The following NEBL variants were observed in gnomAD, a reference collection of about 807,000 sequenced individuals.
NEBL encodes the protein LIM and SH3 protein 2.
In NEBL, 122 loss-of-function variants were observed where a neutral mutation model predicts 140.2. That is an observed-to-expected ratio of 0.87 (90% CI 0.75 to 1.01). The LOEUF (loss-of-function observed/expected upper bound fraction) is 1.01, where lower values mean the gene tolerates loss of function less well. NEBL is among the 50% of genes least tolerant of loss of function. The pLI is 0.00. For missense variants in NEBL, 1,365 were observed against 1,231.3 expected (o/e 1.11, Z -1.62); for synonymous variants, 436 against 398.9 (o/e 1.09, Z -1.11).
chr10:20,993,756 G>A (rs969997860), intron 3 of NEBL, among the ~76,000 whole-genome samples: 2 of 152,150 alleles, frequency 1.3e-5, no homozygotes, highest in Admixed American at 6.5e-5. Context: ...GAGTCACATG[G>A]CAAAGATGTG....
intron 26 of NEBL, among the ~76,000 whole-genome samples, chr10:20,794,966 T>C (rs1836367398): frequency 6.6e-6 from 1 of 152,166 alleles, no homozygotes; most frequent in Non-Finnish European, 1.5e-5. Flanking sequence ...ATTAAGTAAT[T>C]TGGTCAAATA....
chr10:21,273,110 T>C (rs1842878265), intron 1 of NEBL, among the ~76,000 whole-genome samples: 1 of 152,130 alleles, frequency 6.6e-6, no homozygotes, highest in Non-Finnish European at 1.5e-5. Context: ...ATGATGAAAT[T>C]GGACAGCCAC....
chr10:20,798,121 A>AAG (rs1358584441), intron 26 of NEBL, among the ~76,000 whole-genome samples: 2 of 151,998 alleles, frequency 1.3e-5, no homozygotes, highest in Non-Finnish European at 1.5e-5. Flanking sequence ...AAAAAAAAAA[A>AAG]AAAAATGTAG....
intron 3 of NEBL, among the ~76,000 whole-genome samples, chr10:21,222,042 G>T (rs1210234106): frequency 1.3e-5 from 2 of 151,758 alleles, no homozygotes; most frequent in Non-Finnish European, 2.9e-5. Context: ...TCATTGGGCT[G>T]CAGTGAACTC....
chr10:21,149,838 G>A (rs1022256585), intron 2 of NEBL, among the ~76,000 whole-genome samples: 4 of 152,172 alleles, frequency 2.6e-5, no homozygotes, highest in Admixed American at 6.5e-5. Flanking sequence ...AGATAGGGTT[G>A]GAATTGAATT....
At position 21,061,447 on chromosome 10, in the gene NEBL, G is replaced by GTATATTACATGATATATGATATATCA. The variant is rs1461936390; in HGVS notation, c.165-41272_165-41247dup. On this transcript the variant is annotated intron_variant, in intron 2 of 6. Coordinates refer to the NEBL transcript ENST00000417816. ...TATTGCATGGTGTATGATATATATC[G>GTATATTACATGATATATGATATATCA]TATATTACATGATATATGATATATC... Among the ~76,000 whole-genome samples the GTATATTACATGATATATGATATATCA allele has an allele frequency of 6.9e-5, 10 of 145,924 alleles. No individual in the cohort carries two copies. In the East Asian group the frequency reaches 1.6e-3, roughly 23 times the overall value.
chr10:21,135,334 T>C (rs146230816), intron 2 of NEBL, among the ~76,000 whole-genome samples: 226 of 152,310 alleles, frequency 1.5e-3, no homozygotes, highest in African/African-American at 5.1e-3. Context: ...TTAACTCCTT[T>C]GTGTGGTACT....
intron 3 of NEBL, among the ~76,000 whole-genome samples, chr10:20,989,103 A>G (rs1413826843): frequency 1.3e-5 from 2 of 152,220 alleles, no homozygotes; most frequent in Admixed American, 1.3e-4. Flanking sequence ...CTGATTTGTC[A>G]CTTATTTAAA....
intron 4 of NEBL, among the ~76,000 whole-genome samples, chr10:20,947,955 C>T (rs746351210): frequency 6.6e-6 from 1 of 152,014 alleles, no homozygotes; most frequent in Non-Finnish European, 1.5e-5. Flanking sequence ...TTCCCTGGGC[C>T]ACACAAAAAA....
chr10:21,139,929 T>C (rs1310063761), intron 2 of NEBL, among the ~76,000 whole-genome samples: 1 of 146,580 alleles, frequency 6.8e-6, no homozygotes, highest in African/African-American at 2.6e-5. Context: ...GGCAGGCAGA[T>C]CACTTGAGGC....
At chr10:20,820,950 G>C (rs1839247383) in intron 19 of NEBL, among the ~76,000 whole-genome samples, 1 of 152,128 alleles carries the variant, frequency 6.6e-6, no homozygotes, top group Non-Finnish European at 1.5e-5. Flanking sequence ...AAATGAAAAG[G>C]GGTAAGGTTC....
chr10:20,960,848 T>G (rs1015314360), intron 4 of NEBL, among the ~76,000 whole-genome samples: 7 of 152,122 alleles, frequency 4.6e-5, no homozygotes, highest in Admixed American at 2.0e-4. Flanking sequence ...TATACAAATT[T>G]TAGTGACTTT....
chr10:21,001,272 A>C (rs558114106), intron 3 of NEBL, among the ~76,000 whole-genome samples: 9 of 152,250 alleles, frequency 5.9e-5, no homozygotes, highest in South Asian at 2.1e-4. Flanking sequence ...GTGCTAGAGG[A>C]AAATCGGCAA....
intron 7 of NEBL, among the ~76,000 whole-genome samples, chr10:20,863,581 T>G (rs1338218382): frequency 2.6e-5 from 4 of 152,122 alleles, no homozygotes; most frequent in Non-Finnish European, 5.9e-5. Flanking sequence ...ACACAATATC[T>G]CTGCTCTTAT....
intron 2 of NEBL, among the ~76,000 whole-genome samples, chr10:21,154,787 A>G (rs1840275173): frequency 6.6e-6 from 1 of 152,338 alleles, no homozygotes; most frequent in South Asian, 2.1e-4. Flanking sequence ...ATGCATTCCA[A>G]TTTGAAATAT....
At chr10:21,018,038 T>A (rs1838629617) in intron 3 of NEBL, among the ~76,000 whole-genome samples, 1 of 152,098 alleles carries the variant, frequency 6.6e-6, no homozygotes, top group African/African-American at 2.4e-5. Flanking sequence ...GCCAGGCTGG[T>A]CTCGAACTCC....
intron 2 of NEBL, among the ~76,000 whole-genome samples, chr10:21,050,386 T>C (rs1246111664): frequency 6.6e-6 from 1 of 152,304 alleles, no homozygotes; most frequent in East Asian, 1.9e-4. Flanking sequence ...GTAAAATCCC[T>C]ATATTATTTC....
At chr10:20,989,702 T>C (rs1837386452) in intron 3 of NEBL, among the ~76,000 whole-genome samples, 1 of 152,210 alleles carries the variant, frequency 6.6e-6, no homozygotes, top group African/African-American at 2.4e-5. Flanking sequence ...ACCCCACTTA[T>C]ATTGACATTT....
chr10:20,839,616 A>C (rs1263010025), intron 13 of NEBL, among the ~76,000 whole-genome samples: 3 of 152,206 alleles, frequency 2.0e-5, no homozygotes, highest in Non-Finnish European at 1.5e-5. Flanking sequence ...AGCTGAGATT[A>C]AGGTCATGTT....
Sources: allele counts gnomAD v4.1 joint callset (sites outside exome capture counted in the v4.1 genomes callset), GRCh38; gene constraint gnomAD v4.1.1; transcripts MANE v1.5; gene names NCBI Gene and HGNC (gene_info 2026-07-23, HGNC 2026-07-21).